The following FBH1 variants were observed in gnomAD, a reference collection of about 807,000 sequenced individuals.
The protein encoded by FBH1 is DNA 3'-5' helicase 1.
FBH1 carries 43 observed loss-of-function variants against 115.5 expected under a neutral mutation model. The ratio of observed to expected loss-of-function variants is 0.37; its 90% CI spans 0.29 to 0.48. The LOEUF (loss-of-function observed/expected upper bound fraction) is 0.48, where lower values mean the gene tolerates loss of function less well. FBH1 is among the 20% of genes least tolerant of loss of function. The probability of loss-of-function intolerance (pLI) is 0.99; values close to 1 mark genes in which losing one functional copy is unlikely to be tolerated. For synonymous variants in FBH1, 524 were observed against 507.8 expected (o/e 1.03, Z -0.43); for missense variants, 1,001 against 1,337.3 (o/e 0.75, Z 3.92).
rs568677264 is a variant in FBH1 at position 5,933,432 on chromosome 10, T to G, written c.2830-3024T>G. Among the ~76,000 whole-genome samples, 5 of 152,264 alleles carry G rather than the reference T, an allele frequency of 3.3e-5. No homozygotes were observed. The highest frequency in any genetic ancestry group is 1.2e-4 in the African/African-American group (5 of 41,554). On this transcript the variant is annotated intron_variant, in intron 19 of 20. Coordinates refer to ENST00000362091, the MANE Select transcript of FBH1 (RefSeq NM_178150.3). This position sits in a 1 kb window ranked among gnomAD's most constrained non-coding sequence, Gnocchi z 4.9. ...GTGAAGTAGACTTTTTAAAGCTGAT[T>G]GGAAGGTTGTCAGTTGGTTGCTGCA... is the stretch of plus-strand genomic sequence containing the variant.
chr10:5,932,914 G>A lies in FBH1; in HGVS notation c.2830-3542G>A, dbSNP rs116814371. On this transcript the variant is annotated intron_variant, in intron 19 of 20. Coordinates refer to ENST00000362091, the MANE Select transcript of FBH1 (RefSeq NM_178150.3). This position sits in a 1 kb window ranked among gnomAD's most constrained non-coding sequence, Gnocchi z 5.9. ...GTATTTTTTGTAGAGACGGGGTTTT[G>A]TCTGTTTCCCAGGCTGGTCTCAAAC... Among the ~76,000 whole-genome samples the A allele has an allele frequency of 1.3e-5, 2 of 151,884 alleles. No individual in the cohort carries two copies. The highest frequency in any genetic ancestry group is 3.9e-4 in the East Asian group (2 of 5,120).
chr10:5,912,601 C>T lies in FBH1; in HGVS notation c.1212-1146C>T, dbSNP rs1831670102. ...TGGCACCAGGGGAGTGAGTGGTGGCCAGGCATCGGTGGCAAGGTACCAGGA... is the reference window on the plus strand; with the variant it reads ...TGGCACCAGGGGAGTGAGTGGTGGCTAGGCATCGGTGGCAAGGTACCAGGA... On this transcript the variant is annotated intron_variant, in intron 6 of 20. Coordinates refer to ENST00000362091, the MANE Select transcript of FBH1 (RefSeq NM_178150.3). 2.6e-5 allele frequency among the ~76,000 whole-genome samples: 4 copies of T among 152,236 alleles called. No homozygotes were observed. In the South Asian group the frequency reaches 8.3e-4, roughly 32 times the overall value.
At position 5,917,049 on chromosome 10, in the gene FBH1, A is replaced by G; in HGVS notation, c.1789-371A>G. On this transcript the variant is annotated intron_variant, in intron 10 of 20. Coordinates refer to ENST00000362091, the MANE Select transcript of FBH1 (RefSeq NM_178150.3). The surrounding 1 kb of genome is among the most constrained non-coding windows in gnomAD (Gnocchi z 5.6). ...TCTTGGGTTATTGGTTCTATGGAATAGATTTTGCTAGTGGGAAAGTCTGTT... is the reference window on the plus strand; with the variant it reads ...TCTTGGGTTATTGGTTCTATGGAATGGATTTTGCTAGTGGGAAAGTCTGTT... 1 of 238,784 alleles carries G rather than the reference A, an allele frequency of 4.2e-6. No homozygotes were observed. The allele number at this position is 238,784 out of a possible 1,614,324, so 14.8% of individuals were successfully genotyped here.
chr10:5,927,420 C>G lies in FBH1; in HGVS notation c.2723-15C>G. ...AGGCTTTTTAGTTGATTTTTTTCCC[C>G]TTTACTTTGTTTAGAGTCATTTTCT... On this transcript the variant is annotated splice_polypyrimidine_tract_variant and intron_variant, in intron 18 of 20. Coordinates refer to ENST00000362091, the MANE Select transcript of FBH1 (RefSeq NM_178150.3). 6.3e-7 allele frequency: 1 copy of G among 1,589,228 alleles called. No homozygotes were observed.
At chr10:5,902,681 C>T (rs1843423434) in intron 1 of FBH1, among the ~76,000 whole-genome samples, 1 of 152,034 alleles carries the variant, frequency 6.6e-6, no homozygotes, top group Admixed American at 6.6e-5. Context: ...CCCCCTCCTC[C>T]ACCTCCCAAA....
rs1205797161 is a variant in FBH1 at position 5,933,113 on chromosome 10, C to T, written c.2830-3343C>T. On this transcript the variant is annotated intron_variant, in intron 19 of 20. Coordinates refer to ENST00000362091, the MANE Select transcript of FBH1 (RefSeq NM_178150.3). This position sits in a 1 kb window ranked among gnomAD's most constrained non-coding sequence, Gnocchi z 4.9. ...ATGCATAAGAGTGAAATAGGCCCGG[C>T]GCAGTAGCTCACACCTGTAATCCCA... Among the ~76,000 whole-genome samples, 9 of 152,106 alleles carry T rather than the reference C, an allele frequency of 5.9e-5. No homozygotes were observed. Among genetic ancestry groups the T allele is most frequent in the African/African-American group, 9.7e-5 (4 of 41,418 alleles).
intron 1 of FBH1, among the ~76,000 whole-genome samples, chr10:5,892,980 T>C (rs1195927995): frequency 6.6e-6 from 1 of 152,166 alleles, no homozygotes; most frequent in East Asian, 1.9e-4. Context: ...TGTCCTAAAG[T>C]GTAAATTTGA....
rs961080533 is a variant in FBH1, at chr10:5,910,884, G to C, written c.1021-54G>C. 1 of 1,500,928 alleles carries C rather than the reference G, an allele frequency of 6.7e-7. No individual in the cohort carries two copies. Among genetic ancestry groups the C allele is most frequent in the Non-Finnish European group, 9.0e-7 (1 of 1,106,808 alleles). 93.0% of individuals were successfully genotyped at this position (1,500,928 alleles called of 1,614,324 possible). On this transcript the variant is annotated intron_variant, in intron 5 of 20. Coordinates refer to ENST00000362091, the MANE Select transcript of FBH1 (RefSeq NM_178150.3). This position sits in a 1 kb window ranked among gnomAD's most constrained non-coding sequence, Gnocchi z 4.8. The stretch of plus-strand genomic sequence containing the variant: ...TCCTGACTCCTTCCTGCTGTGATTC[G>C]TATTAACCATGGCCTGTGGGCTGTC...
chr10:5,921,219 AG>A lies in FBH1; in HGVS notation c.2101-36del. The stretch of plus-strand genomic sequence containing the variant: ...TGATGGAAATGCACGGACACACCAC[AG>A]GGCGGGCTGCTGACTCCCTCTGTCT... On this transcript the variant is annotated intron_variant, in intron 13 of 20. Transcript: ENST00000362091. This position sits in a 1 kb window ranked among gnomAD's most constrained non-coding sequence, Gnocchi z 6.4. The A allele has an allele frequency of 6.3e-7, 1 of 1,594,408 alleles. No individual in the cohort carries two copies. Among genetic ancestry groups the A allele is most frequent in the Non-Finnish European group, 8.6e-7 (1 of 1,162,662 alleles).
At position 5,921,166 on chromosome 10, in the gene FBH1, G is replaced by C. The variant is rs954518565; in HGVS notation, c.2101-92G>C. On this transcript the variant is annotated intron_variant, in intron 13 of 20. Transcript: ENST00000362091. This position sits in a 1 kb window ranked among gnomAD's most constrained non-coding sequence, Gnocchi z 6.4. ...CGGGGGGTCAGGAACAACTTGTAGG[G>C]TCTGGCCCGGCCAGGCTGTGGCAGC... is the stretch of plus-strand genomic sequence containing the variant. The C allele has an allele frequency of 8.0e-7, 1 of 1,250,346 alleles. No individual in the cohort carries two copies. The highest frequency in any genetic ancestry group is 1.5e-5 in the African/African-American group (1 of 66,996). 77.5% of individuals were successfully genotyped at this position (1,250,346 alleles called of 1,614,324 possible). A position where few individuals can be genotyped will look rare whatever the true frequency, so the allele number is the denominator to read the frequency against.
Position 5,918,223 on chromosome 10 carries a change from G to T in FBH1, c.1964-119G>T. 1.6e-6 allele frequency: 2 copies of T among 1,237,260 alleles called. No individual in the cohort carries two copies. Among genetic ancestry groups the T allele is most frequent in the Non-Finnish European group, 1.1e-6 (1 of 886,416 alleles). The allele number at this position is 1,237,260 out of a possible 1,614,324, so 76.6% of individuals were successfully genotyped here. The stretch of plus-strand genomic sequence containing the variant: ...GGAGTGTGCCTGTCCTACAGGAAAA[G>T]GCGACCGTGAGGTCCAGTGTGCCCT... On this transcript the variant is annotated intron_variant, in intron 12 of 20. Coordinates refer to ENST00000362091, the MANE Select transcript of FBH1 (RefSeq NM_178150.3). This position sits in a 1 kb window ranked among gnomAD's most constrained non-coding sequence, Gnocchi z 4.0.
intron 19 of FBH1, among the ~76,000 whole-genome samples, chr10:5,928,072 CAAAAAAAAAAAA>C (rs1010342333): frequency 2.0e-4 from 5 of 24,750 alleles, no homozygotes; most frequent in Admixed American, 1.3e-3. Context: ...GACTCCATCT[CAAAAAAAAAAAA>C]AAAAAAAAAA....
At chr10:5,902,717 G>GC (rs1384849631) in intron 1 of FBH1, among the ~76,000 whole-genome samples, 2 of 151,998 alleles carry the variant, frequency 1.3e-5, no homozygotes, top group African/African-American at 2.4e-5. Context: ...ACGTGAGCCA[G>GC]CGCGCCCAGC....
rs57922472 is a variant in FBH1, at chr10:5,933,185, C to T, written c.2830-3271C>T. Reference sequence around the variant, plus strand: ...GGCGGATCACTTGATGTCAGGAGTTCAAGACCAGCCTGGCTAACATGGTGA... The same window carrying T: ...GGCGGATCACTTGATGTCAGGAGTTTAAGACCAGCCTGGCTAACATGGTGA... On this transcript the variant is annotated intron_variant, in intron 19 of 20. Coordinates refer to ENST00000362091, the MANE Select transcript of FBH1 (RefSeq NM_178150.3). The surrounding 1 kb of genome is among the most constrained non-coding windows in gnomAD (Gnocchi z 4.9). Among the ~76,000 whole-genome samples the T allele has an allele frequency of 1.3e-5, 2 of 152,066 alleles. No homozygotes were observed. Among genetic ancestry groups the T allele is most frequent in the African/African-American group, 4.8e-5 (2 of 41,422 alleles).
rs58766013 is a variant in FBH1, at chr10:5,937,517, TAA to T, written c.*253_*254del. The T allele has an allele frequency of 0.24, 66,410 of 274,144 alleles. 3,951 individuals carry two copies. The highest frequency in any genetic ancestry group is 0.28 in the Middle Eastern group (283 of 994). The allele number at this position is 274,144 out of a possible 1,614,324, so 17.0% of individuals were successfully genotyped here. On this transcript the variant is annotated 3_prime_UTR_variant, in exon 21 of 21. Transcript: ENST00000362091. The stretch of plus-strand genomic sequence containing the variant: ...AGGGAAGTGGGGGATGTTCTTTTGA[TAA>T]AAAAAAAAAAAAAAATTTATGTATT...
Position 5,921,580 on chromosome 10 carries a change from A to C in FBH1, c.2322+11A>C, listed in dbSNP as rs1278250375. The C allele has an allele frequency of 1.9e-6, 3 of 1,591,756 alleles. No individual in the cohort carries two copies. Among genetic ancestry groups the C allele is most frequent in the East Asian group, 4.5e-5 (2 of 44,734 alleles). On this transcript the variant is annotated intron_variant, in intron 15 of 20. Coordinates refer to ENST00000362091, the MANE Select transcript of FBH1 (RefSeq NM_178150.3). This position sits in a 1 kb window ranked among gnomAD's most constrained non-coding sequence, Gnocchi z 6.4. ...ATACATTTGATTGGGGTAAGAGTAC[A>C]TTTCTGTTGACCACTTCATGCACAG... is the stretch of plus-strand genomic sequence containing the variant.
chr10:5,903,040 C>T lies in FBH1; in HGVS notation c.22C>T (p.His8Tyr), dbSNP rs371000576. Residue 8 changes from histidine to tyrosine, a missense_variant, in exon 2 of 21, where the codon CAT (histidine) becomes TAT (tyrosine). By Grantham distance (83) the His-to-Tyr change is moderately conservative (BLOSUM62 2). This residue lies in a region of FBH1 where 420 missense variants were observed against 430.4 expected (regional missense o/e 0.98). Transcript: ENST00000362091. ...AACAGTGAGACGGTTTAAGCGGAAG[C>T]ATCTTACTGCCATTGACTGCCAGCA... Reference protein sequence around the residue: MRRFKRKHLTAIDCQHLA... With the variant: MRRFKRKYLTAIDCQHLA... 3.1e-6 allele frequency: 5 copies of T among 1,612,114 alleles called. No individual in the cohort carries two copies. Among genetic ancestry groups the T allele is most frequent in the Non-Finnish European group, 4.2e-6 (5 of 1,179,058 alleles).
chr10:5,898,952 G>A (rs1267610513), intron 1 of FBH1, among the ~76,000 whole-genome samples: 1 of 152,188 alleles, frequency 6.6e-6, no homozygotes, highest in East Asian at 1.9e-4. Flanking sequence ...TCAATGCACC[G>A]TTGTTACAGT....
In FBH1 at chr10:5,895,298, C is replaced by A; in HGVS notation, c.1+4952C>A. 8.5e-7 allele frequency: 1 copy of A among 1,174,718 alleles called. No homozygotes were observed. Among genetic ancestry groups the A allele is most frequent in the Non-Finnish European group, 1.2e-6 (1 of 866,638 alleles). 72.8% of individuals were successfully genotyped at this position (1,174,718 alleles called of 1,614,324 possible). ...GTTAAAGTTGGGTATGGTATTGTAG[C>A]AGTTTCTCCAGTCAGGTACCTTGTA... On this transcript the variant is annotated intron_variant, in intron 1 of 20. Coordinates refer to ENST00000362091, the MANE Select transcript of FBH1 (RefSeq NM_178150.3). The surrounding 1 kb of genome is among the most constrained non-coding windows in gnomAD (Gnocchi z 5.0).
Sources: allele counts gnomAD v4.1 joint callset (sites outside exome capture counted in the v4.1 genomes callset), GRCh38; gene constraint gnomAD v4.1.1; regional missense constraint gnomAD v4.1.1; non-coding constraint Gnocchi (gnomAD v3.1); transcripts MANE v1.5; gene names NCBI Gene and HGNC (gene_info 2026-07-23, HGNC 2026-07-21).